RALY: variants seen among roughly 807,000 people sequenced by gnomAD.
RALY encodes the protein RALY heterogeneous nuclear ribonucleoprotein, also known as RNA-binding protein Raly.
RALY carries 15 observed loss-of-function variants against 30.7 expected under a neutral mutation model. That is an observed-to-expected ratio of 0.49 (90% CI 0.33 to 0.75). RALY has a LOEUF of 0.75. RALY is among the 30% of genes least tolerant of loss of function. The probability of loss-of-function intolerance (pLI) is 0.02; values close to 1 mark genes in which losing one functional copy is unlikely to be tolerated. For synonymous variants in RALY, 177 were observed against 170.8 expected (o/e 1.04, Z -0.28); for missense variants, 339 against 414.3 (o/e 0.82, Z 1.58).
intron 2 of RALY, among the ~76,000 whole-genome samples, chr20:34,046,850 G>A (rs186196814): frequency 0.012 from 1,540 of 123,482 alleles, 33 homozygotes; most frequent in African/African-American, 0.046. Context: ...ATGGAGTTTC[G>A]CTCTTGTTGC....
At chr20:34,019,905 C>G (rs1054765445) in intron 1 of RALY, among the ~76,000 whole-genome samples, 7 of 151,838 alleles carry the variant, frequency 4.6e-5, no homozygotes, top group African/African-American at 1.7e-4. Flanking sequence ...ACTAAAAATA[C>G]AAAAAATTAG....
chr20:34,083,847 C>T lies in RALY; in HGVS notation c.*3942C>T, dbSNP rs562871167. On this transcript the variant is annotated 3_prime_UTR_variant, in exon 10 of 10. Coordinates refer to ENST00000246194, the MANE Select transcript of RALY (RefSeq NM_016732.3). ...GAGCAAAAGATTCTGAGCCAGGCATCCTTGGTTTTCATCCCAACCAGATCA... is the reference window on the plus strand; with the variant it reads ...GAGCAAAAGATTCTGAGCCAGGCATTCTTGGTTTTCATCCCAACCAGATCA... 1.3e-5 allele frequency: 2 copies of T among 152,348 alleles called. No individual in the cohort carries two copies. Among genetic ancestry groups the T allele is most frequent in the African/African-American group, 4.8e-5 (2 of 41,572 alleles). 9.4% of individuals were successfully genotyped at this position (152,348 alleles called of 1,614,324 possible). A position where few individuals can be genotyped will look rare whatever the true frequency, so the allele number is the denominator to read the frequency against.
At position 34,075,994 on chromosome 20, in the gene RALY, C is replaced by T. The variant is rs2033866689; in HGVS notation, c.498C>T (p.Leu166=). 1 of 1,614,126 alleles carries T rather than the reference C, an allele frequency of 6.2e-7. No individual in the cohort carries two copies. Among genetic ancestry groups the T allele is most frequent in the Admixed American group, 1.7e-5 (1 of 60,010 alleles). The part of the protein sequence containing the change: ...RRVKTNVPVK[L]FARSTAVTTS... ...TCAAAACTAACGTACCTGTCAAGCTCTTTGCCCGCTCCACAGCTGTCACCA... is the reference window on the plus strand; with the variant it reads ...TCAAAACTAACGTACCTGTCAAGCTTTTTGCCCGCTCCACAGCTGTCACCA... The change falls in exon 6 of 10, where the codon CTC becomes CTT. Residue 166 remains leucine (L), a synonymous_variant. Coordinates refer to ENST00000246194, the MANE Select transcript of RALY (RefSeq NM_016732.3).
chr20:34,053,126 C>T lies in RALY; in HGVS notation c.-9-18940C>T, dbSNP rs2033131595. On this transcript the variant is annotated intron_variant, in intron 2 of 9. Transcript: ENST00000246194. ...CCGCCTGCCTCGGCCTCCCAAAGTG[C>T]TGGGATTACAGGTGTGAGCCACCAC... Among the ~76,000 whole-genome samples the T allele has an allele frequency of 1.3e-5, 2 of 151,892 alleles. 1 individual carries two copies. Among genetic ancestry groups the T allele is most frequent in the South Asian group, 4.2e-4 (2 of 4,816 alleles).
At chr20:33,996,805 C>T (rs1377303593) in intron 1 of RALY, among the ~76,000 whole-genome samples, 2 of 152,154 alleles carry the variant, frequency 1.3e-5, no homozygotes, top group Non-Finnish European at 2.9e-5. Flanking sequence ...TCCCTCCAGC[C>T]CCTGAAAACT....
At chr20:34,062,707 C>G (rs902678772) in intron 2 of RALY, among the ~76,000 whole-genome samples, 1 of 152,238 alleles carries the variant, frequency 6.6e-6, no homozygotes, top group Non-Finnish European at 1.5e-5. Flanking sequence ...TGCCTGACTT[C>G]CCTGTGGGAA....
rs1413884961 is a variant in RALY at position 34,012,053 on chromosome 20, G to A, written c.-93+17922G>A. Among the ~76,000 whole-genome samples, 17 of 148,022 alleles carry A rather than the reference G, an allele frequency of 1.1e-4. 1 individual carries two copies. The highest frequency in any genetic ancestry group is 1.0e-3 in the Admixed American group (15 of 15,044). Reference sequence around the variant, plus strand: ...TGCACTTCAGCCTGGGCGACAGAGTGAGACCCTGTCTCAAAAAAAAAAAAA... The same window carrying A: ...TGCACTTCAGCCTGGGCGACAGAGTAAGACCCTGTCTCAAAAAAAAAAAAA... On this transcript the variant is annotated intron_variant, in intron 1 of 9. Coordinates refer to ENST00000246194, the MANE Select transcript of RALY (RefSeq NM_016732.3).
At chr20:34,077,487 T>C (rs762799810) in intron 8 of RALY, 40 of 752,698 alleles carry the variant, frequency 5.3e-5, no homozygotes, top group Non-Finnish European at 7.9e-5. Context: ...GGGCACATTC[T>C]GGCCTCCGGT....
chr20:34,063,500 T>C (rs1264069562), intron 2 of RALY, among the ~76,000 whole-genome samples: 1 of 152,222 alleles, frequency 6.6e-6, no homozygotes, highest in Admixed American at 6.5e-5. Flanking sequence ...CAGATGATAC[T>C]ACATATCTCA....
At chr20:34,073,934 T>C in intron 5 of RALY, 68 bp downstream of exon 5, 1 of 1,540,372 alleles carries the variant, frequency 6.5e-7, no homozygotes, top group Non-Finnish European at 8.9e-7. Context: ...AGATTGTTGG[T>C]GCAGCCCACT....
chr20:34,056,136 A>G (rs1022266511), intron 2 of RALY, among the ~76,000 whole-genome samples: 4 of 152,182 alleles, frequency 2.6e-5, no homozygotes, highest in African/African-American at 9.7e-5. Flanking sequence ...TAGGCACTCT[A>G]GTATCATCGG....
intron 1 of RALY, among the ~76,000 whole-genome samples, chr20:33,995,984 T>C (rs1400573768): frequency 6.6e-6 from 1 of 152,226 alleles, no homozygotes; most frequent in Admixed American, 6.5e-5. Flanking sequence ...CTGTGCCTTA[T>C]GGTTAGTATT....
At chr20:34,051,660 A>G (rs1015620912) in intron 2 of RALY, among the ~76,000 whole-genome samples, 1 of 151,978 alleles carries the variant, frequency 6.6e-6, no homozygotes, top group Non-Finnish European at 1.5e-5. Context: ...CAGTGGCGTG[A>G]TCTCCGCTCA....
chr20:34,042,626 A>C (rs1173404738), intron 2 of RALY, among the ~76,000 whole-genome samples: 1 of 152,204 alleles, frequency 6.6e-6, no homozygotes, highest in Admixed American at 6.5e-5. Context: ...TTAACTGATT[A>C]ATGTGGAAAC....
In RALY at chr20:34,077,125, C is replaced by T; in HGVS notation, c.756C>T (p.Ser252=). 6.2e-7 allele frequency: 1 copy of T among 1,607,788 alleles called. No individual in the cohort carries two copies. Among genetic ancestry groups the T allele is most frequent in the Non-Finnish European group, 8.5e-7 (1 of 1,177,070 alleles). The change falls in exon 8 of 10, where the codon AGC becomes AGT. Residue 252 remains serine, a synonymous_variant. Coordinates refer to ENST00000246194, the MANE Select transcript of RALY (RefSeq NM_016732.3). ...GTGGTGGTGGCGGTGGCGGTGGCAG[C>T]AGCCGGCCACCAGCCCCCCAAGAGA... The part of the protein sequence containing the change: ...GGSGGGGGGG[S]SRPPAPQENT...
intron 2 of RALY, among the ~76,000 whole-genome samples, chr20:34,032,295 G>A (rs914627993): frequency 2.5e-4 from 38 of 152,118 alleles, no homozygotes; most frequent in African/African-American, 9.2e-4. Flanking sequence ...AGTTTTTACT[G>A]TGATCTGCCA....
At chr20:34,063,946 G>A (rs2033492235) in intron 2 of RALY, among the ~76,000 whole-genome samples, 1 of 151,986 alleles carries the variant, frequency 6.6e-6, no homozygotes, top group Non-Finnish European at 1.5e-5. Context: ...CATGGTAGAT[G>A]TCGCCTGCTG....
chr20:34,024,052 G>A (rs1161615105), intron 1 of RALY, among the ~76,000 whole-genome samples: 2 of 151,934 alleles, frequency 1.3e-5, no homozygotes, highest in Non-Finnish European at 2.9e-5. Context: ...TGGCCTGATT[G>A]GGAATAAGGA....
Position 34,072,100 on chromosome 20 carries a change from A to G in RALY, c.26A>G (p.Asn9Ser), listed in dbSNP as rs775046582. The stretch of plus-strand genomic sequence containing the variant: ...ATGTCCTTGAAGCTTCAGGCAAGCA[A>G]TGTAACCAACAAGAATGACCCCAAG... Reference protein sequence around the residue: MSLKLQASNVTNKNDPKSI... With the variant: MSLKLQASSVTNKNDPKSI... The change falls in exon 3 of 10, where the codon AAT becomes AGT. Residue 9 changes from asparagine (N) to serine (S), a missense_variant. Coordinates refer to ENST00000246194, the MANE Select transcript of RALY (RefSeq NM_016732.3). The G allele has an allele frequency of 3.7e-6, 6 of 1,614,186 alleles. No individual in the cohort carries two copies. Among genetic ancestry groups the G allele is most frequent in the African/African-American group, 1.3e-5 (1 of 75,044 alleles).
Sources: gnomAD v4.1 joint callset for allele counts (sites outside exome capture counted in the v4.1 genomes callset) on GRCh38, gnomAD v4.1.1 for gene constraint, MANE v1.5 for transcripts, NCBI Gene and HGNC (gene_info 2026-07-23, HGNC 2026-07-21) for gene names.